USP47: variants seen among roughly 807,000 people sequenced by gnomAD.
USP47 encodes the protein ubiquitin specific peptidase 47, also known as ubiquitin carboxyl-terminal hydrolase 47.
Under a neutral mutation model 165.1 loss-of-function variants are expected in USP47, and 35 were observed. The ratio of observed to expected loss-of-function variants is 0.21; its 90% CI spans 0.16 to 0.28. The LOEUF (loss-of-function observed/expected upper bound fraction) is 0.28. Ranked by LOEUF, USP47 falls within the 10% of genes least tolerant of loss-of-function variation. USP47 has a pLI of 1.00. For synonymous variants in USP47, 531 were observed against 544.5 expected (o/e 0.98, Z 0.35); for missense variants, 1,277 against 1,607.4 (o/e 0.79, Z 3.52).
intron 7 of USP47, among the ~76,000 whole-genome samples, chr11:11,903,567 T>C (rs1852360430): frequency 6.6e-6 from 1 of 152,156 alleles, no homozygotes; most frequent in Non-Finnish European, 1.5e-5. Flanking sequence ...TTAAGGAAAT[T>C]GGGCTGTATA....
chr11:11,862,858 A>G (rs1039918196), intron 1 of USP47, among the ~76,000 whole-genome samples: 1 of 152,152 alleles, frequency 6.6e-6, no homozygotes, highest in Non-Finnish European at 1.5e-5. Context: ...CACCCAGCCT[A>G]CAAGTGTAAT....
chr11:11,925,112 G>GT (rs570498788), intron 11 of USP47, among the ~76,000 whole-genome samples: 7,215 of 140,838 alleles, frequency 0.051, 388 homozygotes, highest in African/African-American at 0.14. Context: ...TTAGTTTTTG[G>GT]TTTTTTTTTT....
chr11:11,880,326 C>A lies in USP47; in HGVS notation c.189C>A (p.Tyr63Ter). The A allele has an allele frequency of 7.2e-7, 1 of 1,380,062 alleles. No individual in the cohort carries two copies. The allele number at this position is 1,380,062 out of a possible 1,614,324, so 85.5% of individuals were successfully genotyped here. The change falls in exon 2 of 28, where the codon TAC (tyrosine) becomes TAA (stop). Residue 63 changes from tyrosine (Y) to a stop codon, truncating the protein, a stop_gained. Transcript: ENST00000527733. LOFTEE classifies it high-confidence loss of function. ...AAGATGTGGCCAACAAAGTAGGCTACATAAATGGAACCTTTGACTTGGTGT... is the reference window on the plus strand; with the variant it reads ...AAGATGTGGCCAACAAAGTAGGCTAAATAAATGGAACCTTTGACTTGGTGT... Reference protein sequence around the residue: ...LFEDVANKVGYINGTFDLVWG... With the variant: ...LFEDVANKVG
intron 10 of USP47, among the ~76,000 whole-genome samples, chr11:11,921,099 C>T (rs1036053948): frequency 6.6e-6 from 1 of 151,686 alleles, no homozygotes; most frequent in Admixed American, 6.6e-5. Flanking sequence ...GTTCTTCTAT[C>T]CTTATTCAAT....
chr11:11,921,551 G>A (rs1049405248), intron 10 of USP47, among the ~76,000 whole-genome samples: 2 of 151,832 alleles, frequency 1.3e-5, no homozygotes, highest in African/African-American at 4.8e-5. Flanking sequence ...ATTTTGAAAA[G>A]TTTAATTTAA....
chr11:11,904,842 C>G (rs1319478358), intron 7 of USP47, among the ~76,000 whole-genome samples: 1 of 152,008 alleles, frequency 6.6e-6, no homozygotes, highest in Non-Finnish European at 1.5e-5. Flanking sequence ...TAATATTTCT[C>G]TATAAAATTG....
intron 8 of USP47, among the ~76,000 whole-genome samples, chr11:11,906,095 G>C (rs562661787): frequency 6.6e-6 from 1 of 152,038 alleles, no homozygotes; most frequent in Non-Finnish European, 1.5e-5. Flanking sequence ...CATATACTGA[G>C]TATCTGATTG....
rs1210257741 is a variant in USP47, at chr11:11,949,990, G to C, written c.3450G>C (p.Glu1150Asp). The change falls in exon 23 of 28, where the codon GAG (glutamate) becomes GAC (aspartate). Residue 1150 changes from glutamate (E) to aspartate (D), a missense_variant. Around this residue, in one of 4 missense-constraint regions of USP47, gnomAD observed 909 missense variants for 1,068.1 expected, o/e 0.85. Coordinates refer to ENST00000527733, the MANE Select transcript of USP47 (RefSeq NM_001282659.2). ...IPQLREQCGL[E>D]LSIDRFRLRK... is the part of the protein sequence containing the mutation. ...AGCTCAGGGAGCAATGTGGTTTAGA[G>C]CTCAGTATTGACAGGTAAAGTAAAA... 1.2e-6 allele frequency: 2 copies of C among 1,610,320 alleles called. No homozygotes were observed. Among genetic ancestry groups the C allele is most frequent in the Non-Finnish European group, 1.7e-6 (2 of 1,177,662 alleles).
intron 8 of USP47, among the ~76,000 whole-genome samples, chr11:11,915,022 C>T (rs1394540654): frequency 2.6e-5 from 4 of 152,118 alleles, no homozygotes; most frequent in African/African-American, 4.8e-5. Flanking sequence ...ACATGAAAAC[C>T]TGTGCACAAA....
intron 10 of USP47, among the ~76,000 whole-genome samples, chr11:11,921,132 C>G (rs1471971709): frequency 6.6e-6 from 1 of 151,622 alleles, no homozygotes; most frequent in Admixed American, 6.6e-5. Flanking sequence ...ATATTCCACT[C>G]TATTATTTTG....
rs1462736234 is a variant in USP47, at chr11:11,930,689, C to T, written c.1596-7C>T. 6.3e-7 allele frequency: 1 copy of T among 1,594,530 alleles called. No individual in the cohort carries two copies. The highest frequency in any genetic ancestry group is 8.5e-7 in the Non-Finnish European group (1 of 1,171,834). ...GTCCTTATTAATCTTTTTTATGTTT[C>T]TACTAGTTCCACAAATGCATATATG... On this transcript the variant is annotated splice_region_variant and splice_polypyrimidine_tract_variant and intron_variant, in intron 13 of 27. Transcript: ENST00000527733.
intron 3 of USP47, among the ~76,000 whole-genome samples, chr11:11,887,762 A>T (rs1200065386): frequency 1.3e-5 from 2 of 152,184 alleles, no homozygotes; most frequent in Non-Finnish European, 2.9e-5. Context: ...CCCCACAACA[A>T]CAGAATATAC....
In USP47 at chr11:11,934,099, TAGTC is replaced by T. The variant is rs566737215; in HGVS notation, c.1869+168_1869+171del. On this transcript the variant is annotated intron_variant, in intron 16 of 27. Coordinates refer to ENST00000527733, the MANE Select transcript of USP47 (RefSeq NM_001282659.2). ...ATATTTATACCTCTCCTTTGGAGCA[TAGTC>T]AGTTGATTTTGAAAATTTTCTCCCT... Among the ~76,000 whole-genome samples, 17 of 152,270 alleles carry T rather than the reference TAGTC, an allele frequency of 1.1e-4. No individual in the cohort carries two copies. The East Asian group carries it at 3.3e-3, about 29-fold the overall frequency.
At chr11:11,874,300 C>T (rs1850250994) in intron 1 of USP47, among the ~76,000 whole-genome samples, 1 of 152,174 alleles carries the variant, frequency 6.6e-6, no homozygotes, top group Non-Finnish European at 1.5e-5. Flanking sequence ...TTACTTAATA[C>T]TTGATTTTCC....
intron 8 of USP47, among the ~76,000 whole-genome samples, chr11:11,919,437 A>G (rs959658338): frequency 6.6e-6 from 1 of 151,870 alleles, no homozygotes; most frequent in African/African-American, 2.4e-5. Flanking sequence ...ATCGTGAAAA[A>G]CCAATTACTA....
At chr11:11,894,908 C>T (rs765495231) in intron 4 of USP47, among the ~76,000 whole-genome samples, 1 of 152,050 alleles carries the variant, frequency 6.6e-6, no homozygotes, top group Non-Finnish European at 1.5e-5. Flanking sequence ...TTTATCTTAT[C>T]TTTCCTCTAT....
chr11:11,903,167 A>T, intron 6 of USP47, 96 bp from the exon 7 acceptor site: 4 of 1,211,972 alleles, frequency 3.3e-6, no homozygotes, highest in Non-Finnish European at 4.6e-6. Context: ...TATTTAAGGT[A>T]GACTTCAATA....
chr11:11,912,455 G>A (rs980698007), intron 8 of USP47, among the ~76,000 whole-genome samples: 2 of 151,926 alleles, frequency 1.3e-5, no homozygotes. Context: ...TAGATAAAAC[G>A]AACCAATTCT....
In USP47 at chr11:11,878,538, T is replaced by A. The variant is rs925086912; in HGVS notation, c.40-1639T>A. 12 of 152,308 alleles carry A rather than the reference T, an allele frequency of 7.9e-5. No individual in the cohort carries two copies. The East Asian group carries it at 2.3e-3, about 29-fold the overall frequency. 9.4% of individuals were successfully genotyped at this position (152,308 alleles called of 1,614,324 possible). A position where few individuals can be genotyped will look rare whatever the true frequency, so the allele number is the denominator to read the frequency against. The stretch of plus-strand genomic sequence containing the variant: ...AAATAATCTATTAAATGTGTTAATA[T>A]AACATCTAAAATATATAGGTGAAGG... On this transcript the variant is annotated intron_variant, in intron 1 of 27. Transcript: ENST00000527733.
Sources: allele counts gnomAD v4.1 joint callset (sites outside exome capture counted in the v4.1 genomes callset), GRCh38; gene constraint gnomAD v4.1.1; regional missense constraint gnomAD v4.1.1; transcripts MANE v1.5; gene names NCBI Gene and HGNC (gene_info 2026-07-23, HGNC 2026-07-21).